STOX2: variants seen among roughly 807,000 people sequenced by gnomAD.
STOX2 encodes storkhead box 2, also known as storkhead-box protein 2.
STOX2 carries 28 observed loss-of-function variants against 60.9 expected under a neutral mutation model. That is an observed-to-expected ratio of 0.46 (90% CI 0.34 to 0.63). The LOEUF (loss-of-function observed/expected upper bound fraction) is 0.63, where lower values mean the gene tolerates loss of function less well. Among genes scored for constraint, STOX2 ranks in the 30% least tolerant of loss-of-function variants. The pLI is 0.01. For synonymous variants in STOX2, 472 were observed against 463.9 expected, an observed-to-expected ratio of 1.02 and a Z score of -0.22; for missense variants, 1,024 against 1,187.7, an observed-to-expected ratio of 0.86 and a Z score of 2.03.
chr4:183,891,734 C>G (rs957037872), intron 1 of STOX2, among the ~76,000 whole-genome samples: 1 of 151,770 alleles, frequency 6.6e-6, no homozygotes, highest in African/African-American at 2.4e-5. Context: ...CCACACACCA[C>G]CTGTTCCTGA....
intron 1 of STOX2, among the ~76,000 whole-genome samples, chr4:183,922,941 T>C (rs554536742): frequency 6.6e-6 from 1 of 152,366 alleles, no homozygotes; most frequent in East Asian, 1.9e-4. Flanking sequence ...TTCATCCATG[T>C]TGTAGCGTGT....
chr4:183,938,831 A>AT (rs1194610907), intron 1 of STOX2, among the ~76,000 whole-genome samples: 1 of 151,886 alleles, frequency 6.6e-6, no homozygotes, highest in African/African-American at 2.4e-5. Context: ...GCATTTTCGA[A>AT]TTTTTTCCAG....
In STOX2 at chr4:184,020,722, A is replaced by C. The variant is rs1734552784; in HGVS notation, c.*3438A>C. 1 of 152,094 alleles carries C rather than the reference A, an allele frequency of 6.6e-6. No homozygotes were observed. Among genetic ancestry groups the C allele is most frequent in the African/African-American group, 2.4e-5 (1 of 41,394 alleles). The allele number at this position is 152,094 out of a possible 1,614,324, so 9.4% of individuals were successfully genotyped here. A position where few individuals can be genotyped will look rare whatever the true frequency, so the allele number is the denominator to read the frequency against. The stretch of plus-strand genomic sequence containing the variant: ...ATCAAATAGAGAAAACAAATAGAAG[A>C]GGTGAATGGAGACTAGCTGGATAAA... On this transcript the variant is annotated 3_prime_UTR_variant, in exon 4 of 4. Coordinates refer to ENST00000308497, the MANE Select transcript of STOX2 (RefSeq NM_020225.3).
intron 1 of STOX2, among the ~76,000 whole-genome samples, chr4:183,999,909 G>A (rs1279355830): frequency 6.6e-6 from 1 of 152,140 alleles, no homozygotes; most frequent in East Asian, 1.9e-4. Flanking sequence ...GCTACAGGCC[G>A]ACCTGAGTCT....
intron 1 of STOX2, among the ~76,000 whole-genome samples, chr4:183,858,318 CG>C (rs979556627): frequency 1.3e-5 from 2 of 152,250 alleles, no homozygotes; most frequent in African/African-American, 4.8e-5. Flanking sequence ...CCGCCCTGTG[CG>C]GGCTGCAAGC....
chr4:183,934,501 A>T (rs1742532798), intron 1 of STOX2, among the ~76,000 whole-genome samples: 1 of 152,110 alleles, frequency 6.6e-6, no homozygotes, highest in South Asian at 2.1e-4. Flanking sequence ...TTTTACCTTT[A>T]TTTCTATATA....
At chr4:183,981,855 G>A (rs563255395) in intron 1 of STOX2, among the ~76,000 whole-genome samples, 2 of 152,310 alleles carry the variant, frequency 1.3e-5, no homozygotes, top group African/African-American at 4.8e-5. Context: ...GGAATCACTC[G>A]AACCCAGGAG....
At chr4:183,798,522 C>T in intron 1 of STOX2, 1 of 708,414 alleles carries the variant, frequency 1.4e-6, no homozygotes, top group Non-Finnish European at 1.7e-6. Context: ...CCGGGACGCC[C>T]TTCCCTGGGC....
chr4:183,978,912 C>T (rs1732544609), intron 1 of STOX2, among the ~76,000 whole-genome samples: 1 of 152,154 alleles, frequency 6.6e-6, no homozygotes, highest in Non-Finnish European at 1.5e-5. Context: ...TTAAAACTTA[C>T]AGAATCTGTA....
At chr4:183,857,969 C>T (rs1579341966) in intron 1 of STOX2, among the ~76,000 whole-genome samples, 3 of 152,148 alleles carry the variant, frequency 2.0e-5, no homozygotes, top group African/African-American at 7.2e-5. Flanking sequence ...GCCTTTTATA[C>T]CCCAGGAACT....
upstream of STOX2, among the ~76,000 whole-genome samples, chr4:183,900,452 G>A (rs1741437513): frequency 6.6e-6 from 1 of 152,102 alleles, no homozygotes; most frequent in African/African-American, 2.4e-5. Context: ...GAAAATTTGT[G>A]ATCCATGGGA....
chr4:183,914,335 G>A (rs1256719965), intron 1 of STOX2, among the ~76,000 whole-genome samples: 1 of 152,222 alleles, frequency 6.6e-6, no homozygotes, highest in Non-Finnish European at 1.5e-5. Flanking sequence ...CTACTCGGGA[G>A]GCTGAGCGGA....
chr4:183,978,473 G>A lies in STOX2; in HGVS notation c.167-22852G>A, dbSNP rs73008352. Among the ~76,000 whole-genome samples, 369 of 152,088 alleles carry A rather than the reference G, an allele frequency of 2.4e-3. 2 individuals are homozygous for A. The highest frequency in any genetic ancestry group is 8.7e-3 in the African/African-American group (360 of 41,472). On this transcript the variant is annotated intron_variant, in intron 1 of 3. Coordinates refer to ENST00000308497, the MANE Select transcript of STOX2 (RefSeq NM_020225.3). Reference sequence around the variant, plus strand: ...TCCATTGATTTATGTATGTATTTTGGTACTAGTACCATACTATTTTGGTTA... The same window carrying A: ...TCCATTGATTTATGTATGTATTTTGATACTAGTACCATACTATTTTGGTTA...
chr4:184,016,464 G>GA (rs35662073), intron 3 of STOX2: 84,657 of 151,456 alleles, frequency 0.56, 25,383 homozygotes, highest in Non-Finnish European at 0.69. Flanking sequence ...AAATGAATGG[G>GA]AAAAAAAAAT....
intron 1 of STOX2, among the ~76,000 whole-genome samples, chr4:183,817,735 C>T (rs915937748): frequency 6.6e-6 from 1 of 152,066 alleles, no homozygotes; most frequent in Admixed American, 6.5e-5. Flanking sequence ...AGAGATTTGC[C>T]TTTGTGACTT....
chr4:183,965,229 C>A (rs943135988), intron 1 of STOX2, among the ~76,000 whole-genome samples: 1 of 152,168 alleles, frequency 6.6e-6, no homozygotes, highest in Non-Finnish European at 1.5e-5. Context: ...ATTAGAACGA[C>A]ATTTGAATCC....
At chr4:183,946,612 A>G (rs144905785) in intron 1 of STOX2, among the ~76,000 whole-genome samples, 156 of 140,978 alleles carry the variant, frequency 1.1e-3, no homozygotes, top group African/African-American at 3.7e-3. Flanking sequence ...CGTAACAACT[A>G]TTTACATAGT....
intron 1 of STOX2, among the ~76,000 whole-genome samples, chr4:183,876,871 A>G (rs1015132162): frequency 2.0e-5 from 3 of 152,190 alleles, no homozygotes; most frequent in African/African-American, 7.2e-5. Flanking sequence ...TTCCATTGTG[A>G]GTGCGAATGG....
intron 1 of STOX2, among the ~76,000 whole-genome samples, chr4:183,893,130 C>T (rs2111185140): frequency 6.6e-6 from 1 of 151,894 alleles, no homozygotes; most frequent in Non-Finnish European, 1.5e-5. Flanking sequence ...TTTCCCCTCT[C>T]CCTCACTGTC....
Sources: allele counts gnomAD v4.1 joint callset (sites outside exome capture counted in the v4.1 genomes callset), GRCh38; gene constraint gnomAD v4.1.1; transcripts MANE v1.5; gene names NCBI Gene and HGNC (gene_info 2026-07-23, HGNC 2026-07-21).